Variants in USP26 observed in about 807,000 individuals in gnomAD.
The protein encoded by USP26 is ubiquitin specific peptidase 26.
For missense variants in USP26, 649 were observed against 642.3 expected, an observed-to-expected ratio of 1.01 and a Z score of -0.11; for synonymous variants, 236 against 240.6, an observed-to-expected ratio of 0.98 and a Z score of 0.18.
At chrX:133,064,006 A>G (rs958271090) in intron 5 of USP26, among the ~76,000 whole-genome samples, 1 of 112,428 alleles carries the variant, frequency 8.9e-6, no homozygotes, top group Non-Finnish European at 1.9e-5. Context: ...AAAGGCACAC[A>G]TAGGTTCAAA....
chrX:133,085,241 G>A (rs1042484681), intron 4 of USP26, among the ~76,000 whole-genome samples: 1 of 112,172 alleles, frequency 8.9e-6, no homozygotes, highest in South Asian at 3.7e-4. Flanking sequence ...GGCCCATTGC[G>A]TCATTCTTAT....
intron 4 of USP26, among the ~76,000 whole-genome samples, chrX:133,089,260 G>T (rs1276972608): frequency 9.0e-6 from 1 of 111,700 alleles, no homozygotes; most frequent in Non-Finnish European, 1.9e-5. Flanking sequence ...TTAGGATAGT[G>T]CATATTTATA....
intron 5 of USP26, among the ~76,000 whole-genome samples, chrX:133,070,797 G>A (rs1237920858): frequency 9.0e-6 from 1 of 111,650 alleles, no homozygotes; most frequent in African/African-American, 3.3e-5. Context: ...AATTTAATAG[G>A]TTTAAGATGT....
At position 133,025,274 on chromosome X, in the gene USP26, A is replaced by G; in HGVS notation, c.*205T>C. On this transcript the variant is annotated 3_prime_UTR_variant, in exon 6 of 6. Coordinates refer to ENST00000511190, the MANE Select transcript of USP26 (RefSeq NM_031907.3). ...AATTTCAGTCTTGTAGGAGAGAAGG[A>G]TGCTCATCAGCCAGAGCTATGGGAT... 1 of 510,192 alleles carries G rather than the reference A, an allele frequency of 2.0e-6. No homozygotes were observed. The highest frequency in any genetic ancestry group is 3.3e-5 in the South Asian group (1 of 29,906). 42.0% of individuals were successfully genotyped at this position (510,192 alleles called of 1,213,427 possible).
At position 133,026,796 on chromosome X, in the gene USP26, A is replaced by C; in HGVS notation, c.1425T>G (p.His475Gln). 1 of 1,211,312 alleles carries C rather than the reference A, an allele frequency of 8.3e-7. No homozygotes were observed. Among genetic ancestry groups the C allele is most frequent in the Non-Finnish European group, 1.1e-6 (1 of 895,398 alleles). ...CAAAAGTAGACTGAATAGATGAAGG[A>C]TGTGCTTTTATTCTTTGGGGAAGGT... is the stretch of plus-strand genomic sequence containing the variant. ...SINLPQRIKA[H>Q]PSSIQSTFDL... Residue 475 changes from histidine to glutamine, a missense_variant, in exon 6 of 6, where the codon CAT becomes CAG. His to Gln is a conservative substitution (Grantham distance 24). Transcript: ENST00000511190.
intron 1 of USP26, among the ~76,000 whole-genome samples, chrX:133,093,810 G>A (rs1053601872): frequency 9.4e-6 from 1 of 106,514 alleles, no homozygotes; most frequent in Non-Finnish European, 1.9e-5. Flanking sequence ...GCAAAATTCC[G>A]TCTCTATAAA....
intron 5 of USP26, among the ~76,000 whole-genome samples, chrX:133,050,449 T>C (rs1178279796): frequency 8.9e-6 from 1 of 112,271 alleles, no homozygotes; most frequent in Non-Finnish European, 1.9e-5. Context: ...CCACAATTTT[T>C]AACTAGTCTC....
rs41304540 is a variant in USP26, at chrX:133,027,645, C to T, written c.576G>A (p.Glu192=). Residue 192 remains glutamate (E), a synonymous_variant, in exon 6 of 6, where the codon GAG becomes GAA. Transcript: ENST00000511190. ...CAGAATTATTTTCTTTCAAGAATTCCTCATTCATCTCTGAGCTAGATGAGA... is the reference window on the plus strand; with the variant it reads ...CAGAATTATTTTCTTTCAAGAATTCTTCATTCATCTCTGAGCTAGATGAGA... The part of the protein sequence containing the change: ...RMLSSSSEMN[E]EFLKENNSVE... 544,551 of 1,207,629 alleles carry T rather than the reference C, an allele frequency of 0.45. 87,696 individuals are homozygous for T. The highest frequency in any genetic ancestry group is 0.52 in the Middle Eastern group (2,267 of 4,337).
rs753269247 is a variant in USP26 at position 133,032,291 on chromosome X, C to T, written c.-76-3995G>A. Among the ~76,000 whole-genome samples, 5 of 111,647 alleles carry T rather than the reference C, an allele frequency of 4.5e-5. No individual in the cohort carries two copies. In the East Asian group the frequency reaches 1.4e-3, roughly 32 times the overall value. On this transcript the variant is annotated intron_variant, in intron 5 of 5. Coordinates refer to ENST00000511190, the MANE Select transcript of USP26 (RefSeq NM_031907.3). ...CTTATATAGGGGGTTCTGGGAAGGC[C>T]TAACACGTGATGACAATATGCAGCA...
In USP26 at chrX:133,027,910, T is replaced by G; in HGVS notation, c.311A>C (p.Asn104Thr). ...AGGTCTCACAGGTGGCTGAACCTCG[T>G]TTTGATGAACTCTGTCCAAGAATAT... is the stretch of plus-strand genomic sequence containing the variant. The part of the protein sequence containing the change: ...LKIFLDRVHQ[N>T]EVQPPVRPGK... The change falls in exon 6 of 6, where the codon AAC (asparagine) becomes ACC (threonine). Residue 104 changes from asparagine (N) to threonine (T), a missense_variant. Asn to Thr is a moderately conservative substitution (Grantham distance 65). Coordinates refer to ENST00000511190, the MANE Select transcript of USP26 (RefSeq NM_031907.3). 8.3e-7 allele frequency: 1 copy of G among 1,210,941 alleles called. No individual in the cohort carries two copies.
intron 5 of USP26, among the ~76,000 whole-genome samples, chrX:133,073,481 T>C (rs1020597935): frequency 9.0e-6 from 1 of 111,243 alleles, no homozygotes; most frequent in Non-Finnish European, 1.9e-5. Flanking sequence ...TAGAAACACT[T>C]GAATGCTGAT....
rs1602963082 is a variant in USP26, at chrX:133,023,245, A to G, written c.*2234T>C. ...CATAGTGCATTCAGAATTTCTTCTC[A>G]CAGGGCAACAATGGATTGCAGCCAT... On this transcript the variant is annotated 3_prime_UTR_variant, in exon 6 of 6. Coordinates refer to ENST00000511190, the MANE Select transcript of USP26 (RefSeq NM_031907.3). 8.9e-6 allele frequency among the ~76,000 whole-genome samples: 1 copy of G among 111,738 alleles called. No homozygotes were observed. The highest frequency in any genetic ancestry group is 2.8e-4 in the East Asian group (1 of 3,541).
In USP26 at chrX:133,027,275, T is replaced by G; in HGVS notation, c.946A>C (p.Ile316Leu). The G allele has an allele frequency of 8.3e-7, 1 of 1,211,593 alleles. No individual in the cohort carries two copies. The highest frequency in any genetic ancestry group is 1.1e-6 in the Non-Finnish European group (1 of 895,318). Residue 316 changes from isoleucine (I) to leucine (L), a missense_variant, in exon 6 of 6, where the codon ATC becomes CTC. Ile to Leu is a conservative substitution (Grantham distance 5, BLOSUM62 2). Coordinates refer to ENST00000511190, the MANE Select transcript of USP26 (RefSeq NM_031907.3). ...MNAVLQSLLS[I>L]PSFADDLLNQ... is the part of the protein sequence containing the mutation. ...AGTAAATCATCAGCAAACGATGGGA[T>G]TGAAAGTAGAGACTGTAACACTGCA...
At chrX:133,035,886 C>T (rs1231431786) in intron 5 of USP26, among the ~76,000 whole-genome samples, 9 of 111,954 alleles carry the variant, frequency 8.0e-5, no homozygotes, top group Non-Finnish European at 1.7e-4. Flanking sequence ...AGGCTGAGTG[C>T]GGTGGCTCAT....
In USP26 at chrX:133,057,844, T is replaced by TTATATATATATATA. The variant is rs1198872172; in HGVS notation, c.-77+25849_-77+25862dup. On this transcript the variant is annotated intron_variant, in intron 5 of 5. Transcript: ENST00000511190. ...TTGGGGTCTGAGAATATACTTTACA[T>TTATATATATATATA]TATATATATATATATATATATATTT... Among the ~76,000 whole-genome samples, 113 of 30,654 alleles carry TTATATATATATATA rather than the reference T, an allele frequency of 3.7e-3. 9 individuals are homozygous for TTATATATATATATA. The highest frequency in any genetic ancestry group is 0.019 in the African/African-American group (72 of 3,715). 26.6% of individuals were successfully genotyped at this position (30,654 alleles called of 115,157 possible). A position where few individuals can be genotyped will look rare whatever the true frequency, so the allele number is the denominator to read the frequency against.
intron 5 of USP26, among the ~76,000 whole-genome samples, chrX:133,031,974 C>T (rs1429192197): frequency 9.0e-6 from 1 of 110,931 alleles, no homozygotes; most frequent in Non-Finnish European, 1.9e-5. Flanking sequence ...TGGCGAAATC[C>T]TGTCTCTACT....
chrX:133,026,438 T>C lies in USP26; in HGVS notation c.1783A>G (p.Lys595Glu), dbSNP rs1222015721. Residue 595 changes from lysine to glutamate, a missense_variant, in exon 6 of 6, where the codon AAA becomes GAA. Physicochemically the swap from Lys to Glu is moderately conservative, Grantham distance 56. Transcript: ENST00000511190. ...CCAATGTGTGGAGCCAGGATATCTT[T>C]GGATTCCTTTGTTGCAGGCCATGAT... ...SVSWPATKES[K>E]DILAPHIGSD... 8.3e-7 allele frequency: 1 copy of C among 1,204,387 alleles called. No homozygotes were observed. Among genetic ancestry groups the C allele is most frequent in the African/African-American group, 1.8e-5 (1 of 55,583 alleles).
intron 5 of USP26, among the ~76,000 whole-genome samples, chrX:133,032,264 G>A (rs1431815645): frequency 8.9e-6 from 1 of 111,753 alleles, no homozygotes; most frequent in Non-Finnish European, 1.9e-5. Flanking sequence ...GGGATGTGCT[G>A]CCTTATATAG....
At chrX:133,079,018 T>C (rs1602988386) in intron 5 of USP26, among the ~76,000 whole-genome samples, 1 of 112,061 alleles carries the variant, frequency 8.9e-6, no homozygotes, top group East Asian at 2.8e-4. Context: ...ATTCAGCAGA[T>C]GATAGGATTA....
Sources: gnomAD v4.1 joint callset for allele counts (sites outside exome capture counted in the v4.1 genomes callset) on GRCh38, gnomAD v4.1.1 for gene constraint, MANE v1.5 for transcripts, NCBI Gene and HGNC (gene_info 2026-07-23, HGNC 2026-07-21) for gene names.